Variants in HIRIP3 observed in about 807,000 individuals in gnomAD.
HIRIP3 encodes the protein HIRA-interacting protein 3.
A neutral mutation model predicts 50.3 loss-of-function variants in HIRIP3; 40 were observed. The ratio of observed to expected loss-of-function variants is 0.79; its 90% CI spans 0.62 to 1.03. The LOEUF is 1.03. Among genes scored for constraint, HIRIP3 ranks in the 50% least tolerant of loss-of-function variants. The pLI is 0.00. For missense variants in HIRIP3, 765 were observed against 705.4 expected, an observed-to-expected ratio of 1.08 and a Z score of -0.96; for synonymous variants, 318 against 261.6, an observed-to-expected ratio of 1.22 and a Z score of -2.08.
In HIRIP3 at chr16:29,993,246, A is replaced by G. The variant is rs1271062598; in HGVS notation, c.1632T>C (p.His544=). The change falls in exon 7 of 7, where the codon CAT becomes CAC. Residue 544 remains histidine (H), a synonymous_variant. Coordinates refer to ENST00000279392, the MANE Select transcript of HIRIP3 (RefSeq NM_003609.5). ...CATCACTGCTGATGATGCCACGCAT[A>G]TGTGACCAGTCTGGGGGTGCGGGAC... ...RPRPAPPDWS[H]MRGIISSDGE... 1.3e-6 allele frequency: 2 copies of G among 1,587,678 alleles called. No homozygotes were observed. The highest frequency in any genetic ancestry group is 1.7e-6 in the Non-Finnish European group (2 of 1,166,534).
Position 29,994,385 on chromosome 16 carries a change from T to C in HIRIP3, c.760A>G (p.Lys254Glu). ...EEEEKEEDEE[K>E]GDWKPRTRSN... is the part of the protein sequence containing the mutation. ...CTGGTTCTGGGTTTCCAATCCCCCT[T>C]TTCCTCATCCTCTTCTTTCTCTTCC... is the stretch of plus-strand genomic sequence containing the variant. Residue 254 changes from lysine (K) to glutamate (E), a missense_variant, in exon 4 of 7, where the codon AAG becomes GAG. By Grantham distance (56) the Lys-to-Glu change is moderately conservative. Transcript: ENST00000279392. The C allele has an allele frequency of 1.2e-6, 2 of 1,613,976 alleles. No homozygotes were observed. Among genetic ancestry groups the C allele is most frequent in the Non-Finnish European group, 1.7e-6 (2 of 1,179,922 alleles).
At position 29,993,117 on chromosome 16, in the gene HIRIP3, G is replaced by A; in HGVS notation, c.*90C>T. Reference sequence around the variant, plus strand: ...CTTGGGAGCTGCAGTCTTCTCTGAAGGAAGCTGCTTCTGTTCCACAGACAC... The same window carrying A: ...CTTGGGAGCTGCAGTCTTCTCTGAAAGAAGCTGCTTCTGTTCCACAGACAC... On this transcript the variant is annotated 3_prime_UTR_variant, in exon 7 of 7. Transcript: ENST00000279392. 7.1e-6 allele frequency: 9 copies of A among 1,266,058 alleles called. No homozygotes were observed. In the Admixed American group the frequency reaches 2.3e-4, roughly 33 times the overall value. 78.4% of individuals were successfully genotyped at this position (1,266,058 alleles called of 1,614,324 possible).
rs765119373 is a variant in HIRIP3 at position 29,994,272 on chromosome 16, G to A, written c.873C>T (p.Ser291=). The A allele has an allele frequency of 2.4e-5, 38 of 1,613,852 alleles. No homozygotes were observed. The East Asian group carries it at 3.6e-4, about 15-fold the overall frequency. The part of the protein sequence containing the change: ...QAKRLLGDSD[S]EEEQKEAASS... The stretch of plus-strand genomic sequence containing the variant: ...TGGCTGCCTCTTTCTGCTCTTCCTC[G>A]CTGTCTGAGTCTCCCAAGAGCCTCT... The change falls in exon 4 of 7, where the codon AGC becomes AGT. Residue 291 remains serine, a synonymous_variant. Coordinates refer to ENST00000279392, the MANE Select transcript of HIRIP3 (RefSeq NM_003609.5).
In HIRIP3 at chr16:29,994,146, G is replaced by A. The variant is rs779703666; in HGVS notation, c.999C>T (p.Ser333=). The stretch of plus-strand genomic sequence containing the variant: ...CCTTCCCACTGTCTTCCTCGTCCTC[G>A]CTGCTTCCACTCAACCTCTTCCCAC... The part of the protein sequence containing the change: ...LKGGKRLSGS[S]EDEEDSGKGE... The change falls in exon 4 of 7, where the codon AGC becomes AGT. Residue 333 remains serine, a synonymous_variant. Transcript: ENST00000279392. The A allele has an allele frequency of 2.5e-5, 41 of 1,613,850 alleles. No homozygotes were observed. The highest frequency in any genetic ancestry group is 3.2e-5 in the Non-Finnish European group (38 of 1,180,000).
chr16:29,995,162 C>A lies in HIRIP3; in HGVS notation c.242G>T (p.Arg81Met), dbSNP rs754847685. 2.1e-5 allele frequency: 34 copies of A among 1,614,266 alleles called. No homozygotes were observed. The highest frequency in any genetic ancestry group is 2.9e-5 in the Non-Finnish European group (34 of 1,180,044). Residue 81 changes from arginine (R) to methionine (M), a missense_variant, in exon 3 of 7, where the codon AGG becomes ATG. Coordinates refer to ENST00000279392, the MANE Select transcript of HIRIP3 (RefSeq NM_003609.5). ...DKLDLTKKGKRPPTPCSDPER... is the reference protein window; with the variant it reads ...DKLDLTKKGKMPPTPCSDPER... ...CGGGTCGCTACAAGGGGTGGGAGGC[C>A]TCTTGCCCTTCTTGGTAAGGTCCAG...
In HIRIP3 at chr16:29,993,516, T is replaced by G; in HGVS notation, c.1450A>C (p.Arg484=). The G allele has an allele frequency of 6.2e-7, 1 of 1,613,910 alleles. No homozygotes were observed. Among genetic ancestry groups the G allele is most frequent in the Non-Finnish European group, 8.5e-7 (1 of 1,179,856 alleles). ...GAGGCCACCTCAGCTGCCTCCTCCC[T>G]CTGCTCCTTCAGGGCCCGACACTTC... ...LGKCRALKEQ[R]EEAAEVASLD... The change falls in exon 6 of 7, where the codon AGG becomes CGG. Residue 484 remains arginine, a synonymous_variant. Transcript: ENST00000279392.
Position 29,993,155 on chromosome 16 carries a change from G to T in HIRIP3, c.*52C>A. On this transcript the variant is annotated 3_prime_UTR_variant, in exon 7 of 7. Coordinates refer to ENST00000279392, the MANE Select transcript of HIRIP3 (RefSeq NM_003609.5). ...GTTCCACAGACACAGGGCAAGGGGT[G>T]CTATGTATGCTTTGTACATGTATCA... 1.3e-6 allele frequency: 2 copies of T among 1,497,550 alleles called. No individual in the cohort carries two copies. The highest frequency in any genetic ancestry group is 1.8e-6 in the Non-Finnish European group (2 of 1,114,080). The allele number at this position is 1,497,550 out of a possible 1,614,324, so 92.8% of individuals were successfully genotyped here. A position where few individuals can be genotyped will look rare whatever the true frequency, so the allele number is the denominator to read the frequency against.
rs1299021540 is a variant in HIRIP3, at chr16:29,995,415, G to A, written c.114C>T (p.Gly38=). ...IVRRRYLAHS[G]RSHLEPEEKQ... is the part of the protein sequence containing the mutation. ...TCTCCTCGGGCTCCAGGTGGCTGCGGCCCGAGTGAGCTAAGTACCTCCGCC... is the reference window on the plus strand; with the variant it reads ...TCTCCTCGGGCTCCAGGTGGCTGCGACCCGAGTGAGCTAAGTACCTCCGCC... The change falls in exon 2 of 7, where the codon GGC becomes GGT. Residue 38 remains glycine, a synonymous_variant. Coordinates refer to ENST00000279392, the MANE Select transcript of HIRIP3 (RefSeq NM_003609.5). 1 of 1,613,640 alleles carries A rather than the reference G, an allele frequency of 6.2e-7. No individual in the cohort carries two copies. Among genetic ancestry groups the A allele is most frequent in the Non-Finnish European group, 8.5e-7 (1 of 1,179,906 alleles).
In HIRIP3 at chr16:29,993,692, G is replaced by C; in HGVS notation, c.1356C>G (p.His452Gln). 1 of 1,610,444 alleles carries C rather than the reference G, an allele frequency of 6.2e-7. No individual in the cohort carries two copies. Among genetic ancestry groups the C allele is most frequent in the East Asian group, 2.2e-5 (1 of 44,874 alleles). The part of the protein sequence containing the change: ...YKKLLGSCCS[H>Q]KERLSILRAE... ...CCCGGAGGATACTCAGGCGCTCCTT[G>C]TGTGAGCAACAGGAGCCCAACAGCT... The change falls in exon 5 of 7, where the codon CAC (histidine) becomes CAG (glutamine). Residue 452 changes from histidine to glutamine, a missense_variant. Transcript: ENST00000279392.
At chr16:29,993,588 T>A in intron 5 of HIRIP3, 31 bp from the exon 6 acceptor site, 1 of 1,611,752 alleles carries the variant, frequency 6.2e-7, no homozygotes, top group Non-Finnish European at 8.5e-7. Context: ...GATTCTCTCC[T>A]CCCCAGCAGG....
At position 29,994,695 on chromosome 16, in the gene HIRIP3, G is replaced by A; in HGVS notation, c.450C>T (p.Asp150=). 1 of 1,614,042 alleles carries A rather than the reference G, an allele frequency of 6.2e-7. No homozygotes were observed. The highest frequency in any genetic ancestry group is 8.5e-7 in the Non-Finnish European group (1 of 1,180,014). ...TCTCCTCTCCCCTCTGTGCGGGCAG[G>A]TCCCTCTGCCGTTCCTCATCACTGC... The part of the protein sequence containing the change: ...EESSDEERQR[D]LPAQRGEESS... Residue 150 remains aspartate (D), a synonymous_variant, in exon 4 of 7, where the codon GAC becomes GAT. Transcript: ENST00000279392.
rs1158773350 is a variant in HIRIP3 at position 29,993,951 on chromosome 16, G to C, written c.1194C>G (p.Ser398Arg). The C allele has an allele frequency of 6.4e-7, 1 of 1,559,804 alleles. No homozygotes were observed. The highest frequency in any genetic ancestry group is 8.7e-7 in the Non-Finnish European group (1 of 1,153,226). ...KKSSRKGRTR[S>R]SSSSSDGSPE... The stretch of plus-strand genomic sequence containing the variant: ...GACTTCCATCTGAGGAGGAAGAGGA[G>C]CTTCGTGTCCTGCCTTTCCTGGAGC... The change falls in exon 4 of 7, where the codon AGC becomes AGG. Residue 398 changes from serine to arginine, a missense_variant. Transcript: ENST00000279392.
chr16:29,994,001 TC>T lies in HIRIP3; in HGVS notation c.1143del (p.Arg382GlyfsTer45). ...DSEAGGGPQG[E>X]RKNRSSKKSS... Reference sequence around the variant, plus strand: ...CTCTTCTTGGAAGAGCGGTTCTTCCTCTCCCCCTGGGGGCCTCCCCCTGCCT... The same window carrying T: ...CTCTTCTTGGAAGAGCGGTTCTTCCTTCCCCCTGGGGGCCTCCCCCTGCCT... On this transcript the variant is annotated frameshift_variant, in exon 4 of 7. Transcript: ENST00000279392. LOFTEE classifies it high-confidence loss of function. 1 of 1,589,504 alleles carries T rather than the reference TC, an allele frequency of 6.3e-7. No homozygotes were observed. Among genetic ancestry groups the T allele is most frequent in the Non-Finnish European group, 8.6e-7 (1 of 1,168,152 alleles).
chr16:29,993,050 G>C lies in HIRIP3; in HGVS notation c.*157C>G, dbSNP rs970404651. 1.0e-5 allele frequency: 6 copies of C among 574,808 alleles called. No homozygotes were observed. Among genetic ancestry groups the C allele is most frequent in the African/African-American group, 1.9e-5 (1 of 52,084 alleles). 35.6% of individuals were successfully genotyped at this position (574,808 alleles called of 1,614,324 possible). Reference sequence around the variant, plus strand: ...TCTTAAAAAATAAACACCTTAAAGGGACAGCGTGAAGCTGAGAAGTAGCAT... The same window carrying C: ...TCTTAAAAAATAAACACCTTAAAGGCACAGCGTGAAGCTGAGAAGTAGCAT... On this transcript the variant is annotated 3_prime_UTR_variant, in exon 7 of 7. Coordinates refer to ENST00000279392, the MANE Select transcript of HIRIP3 (RefSeq NM_003609.5).
chr16:29,995,635 C>T (rs79852981), upstream of HIRIP3: 1 of 1,610,468 alleles, frequency 6.2e-7, no homozygotes, highest in African/African-American at 1.3e-5. Flanking sequence ...ACGGCTCCCG[C>T]CTTTTTTTCT....
Position 29,994,433 on chromosome 16 carries a change from GCT to G in HIRIP3, c.710_711del (p.Glu237AlafsTer15). ...SEEEILAQKK[E>X]QREEEVEEEE... ...TCCTCCTCCACTTCCTCCTCTCTCT[GCT>G]CTTTCTTCTGGGCTAGGATCTCCTC... On this transcript the variant is annotated frameshift_variant, in exon 4 of 7. Transcript: ENST00000279392. LOFTEE classifies it high-confidence loss of function. 6.2e-7 allele frequency: 1 copy of G among 1,613,120 alleles called. No homozygotes were observed. Among genetic ancestry groups the G allele is most frequent in the Non-Finnish European group, 8.5e-7 (1 of 1,179,600 alleles).
At chr16:29,995,661 G>C (rs1468675601), upstream of HIRIP3, 3 of 1,594,382 alleles carry the variant, frequency 1.9e-6, no homozygotes, top group Non-Finnish European at 2.6e-6. Flanking sequence ...GCCTCCGTCA[G>C]CGCGTTTGAC....
In HIRIP3 at chr16:29,994,122, C is replaced by G. The variant is rs1018034889; in HGVS notation, c.1023G>C (p.Lys341Asn). Residue 341 changes from lysine to asparagine, a missense_variant, in exon 4 of 7, where the codon AAG (lysine) becomes AAC (asparagine). Coordinates refer to ENST00000279392, the MANE Select transcript of HIRIP3 (RefSeq NM_003609.5). ...TAGAGCCTTTAGCTGTGGGTTCCCC[C>G]TTCCCACTGTCTTCCTCGTCCTCGC... ...GSSEDEEDSG[K>N]GEPTAKGSRK... 3.1e-6 allele frequency: 5 copies of G among 1,614,100 alleles called. No homozygotes were observed. In the Middle Eastern group the frequency reaches 6.6e-4, roughly 213 times the overall value.
Position 29,994,339 on chromosome 16 carries a change from G to A in HIRIP3, c.806C>T (p.Ser269Leu), listed in dbSNP as rs1051446072. Reference protein sequence around the residue: ...PRTRSNGRRKSAREERSCKQK... With the variant: ...PRTRSNGRRKLAREERSCKQK... Reference sequence around the variant, plus strand: ...CTTACAGCTCCTCTCCTCCCTAGCTGACTTTCTCCGGCCATTGCTCCTGGT... The same window carrying A: ...CTTACAGCTCCTCTCCTCCCTAGCTAACTTTCTCCGGCCATTGCTCCTGGT... The change falls in exon 4 of 7, where the codon TCA (serine) becomes TTA (leucine). Residue 269 changes from serine to leucine, a missense_variant. Ser to Leu is a moderately radical substitution (Grantham distance 145). Transcript: ENST00000279392. 1 of 1,614,114 alleles carries A rather than the reference G, an allele frequency of 6.2e-7. No individual in the cohort carries two copies. Among genetic ancestry groups the A allele is most frequent in the Non-Finnish European group, 8.5e-7 (1 of 1,180,032 alleles).
Sources: gnomAD v4.1 joint callset for allele counts on GRCh38, gnomAD v4.1.1 for gene constraint, MANE v1.5 for transcripts, NCBI Gene and HGNC (gene_info 2026-07-23, HGNC 2026-07-21) for gene names.